SYTL5: variants seen among roughly 807,000 people sequenced by gnomAD.
SYTL5 encodes synaptotagmin-like protein 5.
SYTL5 carries 34 observed loss-of-function variants against 55.9 expected under a neutral mutation model. The ratio of observed to expected loss-of-function variants is 0.61; its 90% CI spans 0.46 to 0.81. SYTL5 has a LOEUF of 0.81. Ranked by LOEUF, SYTL5 falls within the 30% of genes least tolerant of loss-of-function variation. SYTL5 has a pLI of 0.00. For missense variants in SYTL5, 637 were observed against 546.7 expected (o/e 1.17, Z -1.65); for synonymous variants, 221 against 188.7 (o/e 1.17, Z -1.40).
rs182622326 is a variant in SYTL5, at chrX:38,081,800, T to C, written c.689+5099T>C. 4.5e-5 allele frequency among the ~76,000 whole-genome samples: 5 copies of C among 111,651 alleles called. No individual in the cohort carries two copies. The East Asian group carries it at 1.4e-3, about 31-fold the overall frequency. ...TTACAGCAGCTCTTTGTTCAAAATTTATTGAGGGCTGCTTCTAGGGCACTA... is the reference window on the plus strand; with the variant it reads ...TTACAGCAGCTCTTTGTTCAAAATTCATTGAGGGCTGCTTCTAGGGCACTA... On this transcript the variant is annotated intron_variant, in intron 6 of 16. Coordinates refer to ENST00000297875, the MANE Select transcript of SYTL5 (RefSeq NM_138780.3).
chrX:37,999,323 T>C, the SYTL5 span, among the ~76,000 whole-genome samples: 1 of 112,781 alleles, frequency 8.9e-6, no homozygotes, highest in South Asian at 3.7e-4. Context: ...TGAAGGGCAA[T>C]AAATAGAATC....
At chrX:38,118,063 A>G (rs1158777739) in intron 13 of SYTL5, among the ~76,000 whole-genome samples, 1 of 111,661 alleles carries the variant, frequency 9.0e-6, no homozygotes, top group East Asian at 2.8e-4. Context: ...ATAATTTTCT[A>G]CTTATGATAG....
At chrX:38,010,932 A>G (rs1193341067) in intron 1 of SYTL5, among the ~76,000 whole-genome samples, 1 of 112,041 alleles carries the variant, frequency 8.9e-6, no homozygotes, top group Admixed American at 9.5e-5. Context: ...ATCATCATCA[A>G]CATCATCGCC....
chrX:37,921,146 G>C, the SYTL5 span, among the ~76,000 whole-genome samples: 1 of 111,593 alleles, frequency 9.0e-6, no homozygotes, highest in Non-Finnish European at 1.9e-5. Flanking sequence ...CTAAGAGTAA[G>C]TGCCATTATT....
chrX:38,060,778 G>C (rs1429486121), intron 3 of SYTL5, among the ~76,000 whole-genome samples: 2 of 112,168 alleles, frequency 1.8e-5, no homozygotes, highest in African/African-American at 6.5e-5. Flanking sequence ...TTGTCAGAGG[G>C]TATAAGAATA....
intron 1 of SYTL5, among the ~76,000 whole-genome samples, chrX:38,012,193 C>T (rs1934213773): frequency 8.9e-6 from 1 of 112,056 alleles, no homozygotes; most frequent in South Asian, 3.7e-4. Flanking sequence ...AATAAGAACA[C>T]GTCTGGTTCA....
chrX:37,914,218 A>C, the SYTL5 span, among the ~76,000 whole-genome samples: 2 of 111,480 alleles, frequency 1.8e-5, no homozygotes, highest in Non-Finnish European at 3.8e-5. Flanking sequence ...TAGCAACTTT[A>C]TTTCTAGGTA....
chrX:37,998,927 A>G, the SYTL5 span, among the ~76,000 whole-genome samples: 1 of 112,595 alleles, frequency 8.9e-6, no homozygotes, highest in African/African-American at 3.2e-5. Context: ...TCTAATTACT[A>G]TAGTGCAGTG....
chrX:38,077,552 G>A (rs1306622848), intron 6 of SYTL5, among the ~76,000 whole-genome samples: 1 of 110,477 alleles, frequency 9.1e-6, no homozygotes, highest in Non-Finnish European at 1.9e-5. Context: ...CCTTAGAGGG[G>A]ACACTATTTT....
intron 8 of SYTL5, 26 bp downstream of exon 8, chrX:38,094,450 T>C (rs779504996): frequency 8.5e-7 from 1 of 1,175,431 alleles, no homozygotes; most frequent in Admixed American, 2.2e-5. Context: ...GTGCCTACTT[T>C]GTTGTTTAAA....
chrX:37,977,353 A>C, the SYTL5 span, among the ~76,000 whole-genome samples: 4 of 110,848 alleles, frequency 3.6e-5, no homozygotes, highest in Middle Eastern at 4.6e-3. Context: ...CATCAAGGAG[A>C]AAGAAGGTGG....
the SYTL5 span, among the ~76,000 whole-genome samples, chrX:37,975,687 G>A: frequency 3.0e-4 from 33 of 111,497 alleles, no homozygotes; most frequent in African/African-American, 9.8e-4. Context: ...GTTTTTCTTA[G>A]CAATTGTATA....
At chrX:38,052,595 G>C (rs1228035797) in intron 2 of SYTL5, among the ~76,000 whole-genome samples, 1 of 111,936 alleles carries the variant, frequency 8.9e-6, no homozygotes. Flanking sequence ...TCACAAGCTA[G>C]TTTGAAAGAT....
rs1184818959 is a variant in SYTL5 at position 38,122,265 on chromosome X, G to T, written c.1841+50G>T. ...GATGATACTTAATAGGAGATGAAAG[G>T]ATCTGTGATCCACAAGCCACTGGTG... On this transcript the variant is annotated intron_variant, in intron 15 of 16. Transcript: ENST00000297875. 8 of 1,111,899 alleles carry T rather than the reference G, an allele frequency of 7.2e-6. No individual in the cohort carries two copies. The African/African-American group carries it at 1.5e-4, about 20-fold the overall frequency. The allele number at this position is 1,111,899 out of a possible 1,213,427, so 91.6% of individuals were successfully genotyped here.
chrX:37,994,622 CAGAT>C, the SYTL5 span: 1 of 111,232 alleles, frequency 9.0e-6, no homozygotes, highest in Non-Finnish European at 1.9e-5. Context: ...ATGAGCAGCT[CAGAT>C]GGATCTTGGA....
At chrX:38,050,018 A>G (rs143315419) in intron 2 of SYTL5, among the ~76,000 whole-genome samples, 1,130 of 111,699 alleles carry the variant, frequency 0.01, 9 homozygotes, top group Non-Finnish European at 0.014. Flanking sequence ...TGACTTTAGA[A>G]CCCTGTGCTC....
At chrX:37,959,589 G>A in the SYTL5 span, among the ~76,000 whole-genome samples, 1 of 111,681 alleles carries the variant, frequency 9.0e-6, no homozygotes, top group African/African-American at 3.3e-5. Flanking sequence ...CTTAAATGAG[G>A]AAGACTCTGT....
intron 6 of SYTL5, among the ~76,000 whole-genome samples, chrX:38,078,144 C>A (rs186767585): frequency 8.0e-5 from 9 of 112,329 alleles, no homozygotes; most frequent in African/African-American, 2.9e-4. Flanking sequence ...ATTTGGTGTT[C>A]TTTTTGCTCA....
intron 13 of SYTL5, among the ~76,000 whole-genome samples, chrX:38,112,915 CA>C (rs1186011929): frequency 7.1e-5 from 8 of 112,359 alleles, no homozygotes; most frequent in Non-Finnish European, 1.3e-4. Flanking sequence ...ATGAGTTACA[CA>C]TACTGATTTC....
Sources: allele counts gnomAD v4.1 joint callset (sites outside exome capture counted in the v4.1 genomes callset), GRCh38; gene constraint gnomAD v4.1.1; transcripts MANE v1.5; gene names NCBI Gene and HGNC (gene_info 2026-07-23, HGNC 2026-07-21).